The following JARID2 variants were observed in gnomAD, a reference collection of about 807,000 sequenced individuals.
The protein encoded by JARID2 is protein Jumonji.
Under a neutral mutation model 125.6 loss-of-function variants are expected in JARID2, and 21 were observed. The ratio of observed to expected loss-of-function variants is 0.17; its 90% CI spans 0.12 to 0.24. JARID2 has a LOEUF of 0.24. JARID2 is among the 10% of genes least tolerant of loss of function. The pLI is 1.00. For synonymous variants in JARID2, 736 were observed against 661.6 expected (o/e 1.11, Z -1.73); for missense variants, 1,303 against 1,639.6 (o/e 0.79, Z 3.55).
intron 6 of JARID2, among the ~76,000 whole-genome samples, chr6:15,488,875 A>G (rs1770010212): frequency 6.6e-6 from 1 of 152,128 alleles, no homozygotes; most frequent in African/African-American, 2.4e-5. Flanking sequence ...GACAACAGCC[A>G]CGGTGTGGAA....
At chr6:15,430,270 G>C (rs1766914089) in intron 3 of JARID2, among the ~76,000 whole-genome samples, 1 of 152,138 alleles carries the variant, frequency 6.6e-6, no homozygotes, top group South Asian at 2.1e-4. Flanking sequence ...TAGTTATCAA[G>C]ACAATTTCTG....
intron 1 of JARID2, among the ~76,000 whole-genome samples, chr6:15,307,470 G>T (rs1159452511): frequency 6.6e-6 from 1 of 152,056 alleles, no homozygotes; most frequent in Non-Finnish European, 1.5e-5. Flanking sequence ...CTTCCTGCCT[G>T]TGACTCCCAA....
chr6:15,452,196 G>A (rs763808034), intron 4 of JARID2, 21 bp downstream of exon 4: 13 of 1,612,320 alleles, frequency 8.1e-6, no homozygotes, highest in East Asian at 2.2e-5. Context: ...GCAACCATCG[G>A]CGGAGGTCTA....
At chr6:15,304,084 G>A (rs1478047482) in intron 1 of JARID2, among the ~76,000 whole-genome samples, 2 of 152,160 alleles carry the variant, frequency 1.3e-5, no homozygotes, top group Non-Finnish European at 2.9e-5. Flanking sequence ...ATTAAAGGAG[G>A]TAATAAATGT....
chr6:15,464,008 A>G (rs1221396752), intron 4 of JARID2, among the ~76,000 whole-genome samples: 1 of 152,182 alleles, frequency 6.6e-6, no homozygotes, highest in African/African-American at 2.4e-5. Flanking sequence ...CTCTTTATAT[A>G]AATGTCTTAA....
chr6:15,363,406 C>A (rs1237198798), intron 1 of JARID2, among the ~76,000 whole-genome samples: 1 of 152,114 alleles, frequency 6.6e-6, no homozygotes, highest in Non-Finnish European at 1.5e-5. Context: ...GCCACCATTG[C>A]CTTAGATAAT....
chr6:15,388,577 ATATAT>A (rs1393285860), intron 2 of JARID2, among the ~76,000 whole-genome samples: 2 of 125,350 alleles, frequency 1.6e-5, no homozygotes, highest in African/African-American at 5.9e-5. Context: ...CTATTTTATA[ATATAT>A]TATAAAATAT....
rs1405011477 is a variant in JARID2 at position 15,250,058 on chromosome 6, A to G, written c.45+3474A>G. On this transcript the variant is annotated intron_variant, in intron 1 of 17. Coordinates refer to ENST00000341776, the MANE Select transcript of JARID2 (RefSeq NM_004973.4). ...GATCAGGTATCAGTTTGAAATAGAG[A>G]ATCTCTGCCTTATGAAGATAGTAAT... Among the ~76,000 whole-genome samples, 5 of 152,308 alleles carry G rather than the reference A, an allele frequency of 3.3e-5. 1 individual carries two copies. The highest frequency in any genetic ancestry group is 3.3e-4 in the Admixed American group (5 of 15,298).
At chr6:15,327,149 C>A (rs1483718060) in intron 1 of JARID2, among the ~76,000 whole-genome samples, 1 of 152,134 alleles carries the variant, frequency 6.6e-6, no homozygotes, top group South Asian at 2.1e-4. Flanking sequence ...CTCTGTTAGC[C>A]TCCTTCCTCC....
At position 15,520,359 on chromosome 6, in the gene JARID2, A is replaced by T; in HGVS notation, c.*108A>T. The T allele has an allele frequency of 1.2e-6, 1 of 818,348 alleles. No homozygotes were observed. Among genetic ancestry groups the T allele is most frequent in the Non-Finnish European group, 1.8e-6 (1 of 558,842 alleles). The allele number at this position is 818,348 out of a possible 1,614,324, so 50.7% of individuals were successfully genotyped here. On this transcript the variant is annotated 3_prime_UTR_variant, in exon 18 of 18. Transcript: ENST00000341776. ...AGCTGTCTTTGCACTAGCTCTAAAG[A>T]AGATTTTCTTCTGGTTTTAGAGAAC... is the stretch of plus-strand genomic sequence containing the variant.
intron 3 of JARID2, among the ~76,000 whole-genome samples, chr6:15,417,132 GTTTATT>G (rs1326897245): frequency 2.0e-5 from 3 of 152,056 alleles, no homozygotes; most frequent in Non-Finnish European, 2.9e-5. Flanking sequence ...AAGATTAACT[GTTTATT>G]TTTATCTGTG....
chr6:15,299,900 C>G (rs1041674388), intron 1 of JARID2, among the ~76,000 whole-genome samples: 2 of 152,160 alleles, frequency 1.3e-5, no homozygotes, highest in African/African-American at 2.4e-5. Context: ...TACCCACTGT[C>G]CCTTAGGAAA....
At chr6:15,266,737 G>T (rs572656778) in intron 1 of JARID2, among the ~76,000 whole-genome samples, 1 of 152,276 alleles carries the variant, frequency 6.6e-6, no homozygotes, top group East Asian at 1.9e-4. Flanking sequence ...CAGCTTTGTG[G>T]ACGCATATCT....
chr6:15,307,586 T>C (rs1211201416), intron 1 of JARID2, among the ~76,000 whole-genome samples: 2 of 152,158 alleles, frequency 1.3e-5, no homozygotes, highest in African/African-American at 4.8e-5. Context: ...GTTTTCGGGA[T>C]GGGGTTGTGG....
chr6:15,455,055 C>T (rs527428709), intron 4 of JARID2, among the ~76,000 whole-genome samples: 4 of 152,064 alleles, frequency 2.6e-5, no homozygotes, highest in Admixed American at 6.5e-5. Context: ...TATCTAGCCG[C>T]GCTTGGTTGT....
chr6:15,251,172 C>T (rs995522584), intron 1 of JARID2, among the ~76,000 whole-genome samples: 4 of 152,014 alleles, frequency 2.6e-5, no homozygotes, highest in East Asian at 1.9e-4. Flanking sequence ...CTATCATGTC[C>T]GGCTAATTTT....
chr6:15,471,773 A>G (rs1769088677), intron 5 of JARID2, among the ~76,000 whole-genome samples: 1 of 152,152 alleles, frequency 6.6e-6, no homozygotes, highest in Non-Finnish European at 1.5e-5. Flanking sequence ...AGCATGTTAC[A>G]TGGAGCATAT....
intron 1 of JARID2, among the ~76,000 whole-genome samples, chr6:15,271,903 G>A (rs1760312359): frequency 6.6e-6 from 1 of 152,214 alleles, no homozygotes; most frequent in African/African-American, 2.4e-5. Context: ...GGGAGGCTGA[G>A]GCAGGAGAAT....
chr6:15,428,938 C>CG (rs1183618427), intron 3 of JARID2, among the ~76,000 whole-genome samples: 4 of 146,560 alleles, frequency 2.7e-5, no homozygotes, highest in Admixed American at 6.7e-5. Context: ...AAACCCCCCC[C>CG]CCAAAAAAAA....
Sources: gnomAD v4.1 joint callset for allele counts (sites outside exome capture counted in the v4.1 genomes callset) on GRCh38, gnomAD v4.1.1 for gene constraint, MANE v1.5 for transcripts, NCBI Gene and HGNC (gene_info 2026-07-23, HGNC 2026-07-21) for gene names.